Variants in CACNA1H observed in about 807,000 individuals in gnomAD.
CACNA1H encodes the protein calcium voltage-gated channel subunit alpha1 H.
A neutral mutation model predicts 192.5 loss-of-function variants in CACNA1H; 149 were observed. The observed-to-expected ratio is 0.77, with a 90% CI of 0.68 to 0.89. The LOEUF is 0.89. CACNA1H is among the 40% of genes least tolerant of loss of function. CACNA1H has a pLI of 0.00. For synonymous variants in CACNA1H, 2,202 were observed against 1,475.2 expected, an observed-to-expected ratio of 1.49 and a Z score of -11.29; for missense variants, 4,257 against 3,423.5, an observed-to-expected ratio of 1.24 and a Z score of -6.08.
intron 27 of CACNA1H, 50 bp from the exon 28 acceptor site, chr16:1,214,922 A>C: frequency 1.5e-6 from 2 of 1,356,424 alleles, no homozygotes; most frequent in East Asian, 4.9e-5. Flanking sequence ...GCCAGGGGGA[A>C]GAGGGGTGGC....
chr16:1,194,197 C>T (rs1966840446), intron 2 of CACNA1H, among the ~76,000 whole-genome samples: 1 of 152,102 alleles, frequency 6.6e-6, no homozygotes, highest in Admixed American at 6.5e-5. Context: ...CCTGAATCAG[C>T]TGTGAGAGGA....
chr16:1,162,376 C>G (rs1363135489), intron 2 of CACNA1H, among the ~76,000 whole-genome samples: 2 of 152,042 alleles, frequency 1.3e-5, no homozygotes, highest in Non-Finnish European at 2.9e-5. Context: ...ACCTGTGGGC[C>G]CCCCCGGAGG....
rs769201314 is a variant in CACNA1H, at chr16:1,212,063, C to T, written c.4684C>T (p.Arg1562Trp). The change falls in exon 25 of 35, where the codon CGG becomes TGG. Residue 1562 changes from arginine (R) to tryptophan (W), a missense_variant. Physicochemically the swap from Arg to Trp is moderately radical, Grantham distance 101 (BLOSUM62 -3). Transcript: ENST00000348261. ...GVVVENFHKC[R>W]QHQEAEEARR... The stretch of plus-strand genomic sequence containing the variant: ...CGTGGTCGAGAACTTCCACAAGTGC[C>T]GGCAGCACCAGGAGGCGGAGGAGGC... The T allele has an allele frequency of 6.8e-6, 11 of 1,613,124 alleles. No homozygotes were observed. Among genetic ancestry groups the T allele is most frequent in the Middle Eastern group, 1.7e-4 (1 of 5,886 alleles).
chr16:1,208,086 C>T lies in CACNA1H; in HGVS notation c.3228C>T (p.Leu1076=), dbSNP rs113925563. 5.2e-5 allele frequency: 83 copies of T among 1,600,446 alleles called. No individual in the cohort carries two copies. The highest frequency in any genetic ancestry group is 1.2e-4 in the African/African-American group (9 of 74,690). ...LEGRGSLSPP[L]IMCTAATPMP... ...GACGAGGCAGCCTGTCCCCTCCCCT[C>T]ATCATGTGCACAGCTGCCACGCCCA... The change falls in exon 16 of 35, where the codon CTC becomes CTT. Residue 1076 remains leucine (L), a synonymous_variant. Transcript: ENST00000348261.
intron 18 of CACNA1H, 86 bp downstream of exon 18, chr16:1,210,221 CAT>C (rs1454197536): frequency 3.1e-6 from 4 of 1,294,816 alleles, no homozygotes; most frequent in Non-Finnish European, 4.3e-6. Flanking sequence ...GGGGCTAGCA[CAT>C]GGTGGATATT....
In CACNA1H at chr16:1,192,000, C is replaced by T. The variant is rs1044889907; in HGVS notation, c.300-2972C>T. 4.6e-5 allele frequency among the ~76,000 whole-genome samples: 7 copies of T among 152,270 alleles called. No individual in the cohort carries two copies. In the East Asian group the frequency reaches 5.8e-4, roughly 13 times the overall value. The stretch of plus-strand genomic sequence containing the variant: ...TGTCGCCAGGCTTAGCTCGGGAGGC[C>T]GTCTGCAGCTGGCGTGCCTGCAGGC... On this transcript the variant is annotated intron_variant, in intron 2 of 34. Transcript: ENST00000348261.
rs1477353502 is a variant in CACNA1H, at chr16:1,200,341, A to G, written c.889A>G (p.Asn297Asp). 1 of 1,602,790 alleles carries G rather than the reference A, an allele frequency of 6.2e-7. No individual in the cohort carries two copies. The highest frequency in any genetic ancestry group is 2.3e-5 in the East Asian group (1 of 44,412). ...NPFICSSRRD[N>D]GMQKCSHIPG... ...GTTCATCTGCTCCTCACGCCGAGAC[A>G]ACGGCATGCAGAAGTGCTCGCACAT... is the stretch of plus-strand genomic sequence containing the variant. The change falls in exon 7 of 35, where the codon AAC (asparagine) becomes GAC (aspartate). Residue 297 changes from asparagine (N) to aspartate (D), a missense_variant. Asn to Asp is a conservative substitution (Grantham distance 23). Transcript: ENST00000348261.
chr16:1,156,147 C>T (rs1043074059), intron 2 of CACNA1H, among the ~76,000 whole-genome samples: 2 of 152,176 alleles, frequency 1.3e-5, no homozygotes, highest in African/African-American at 2.4e-5. Context: ...GGCAGGACCC[C>T]CCACCCTCCT....
chr16:1,183,606 C>T (rs913863628), intron 2 of CACNA1H, among the ~76,000 whole-genome samples: 13 of 152,360 alleles, frequency 8.5e-5, no homozygotes, highest in African/African-American at 2.6e-4. Context: ...ACGTGCCTGT[C>T]GTGGCATTGG....
At chr16:1,169,144 C>T (rs993339714) in intron 2 of CACNA1H, among the ~76,000 whole-genome samples, 5 of 125,350 alleles carry the variant, frequency 4.0e-5, no homozygotes, top group East Asian at 2.3e-4. Flanking sequence ...TGCCTGGCAG[C>T]GGCCAGTCTT....
At position 1,209,201 on chromosome 16, in the gene CACNA1H, A is replaced by G. The variant is rs2141327353; in HGVS notation, c.3533A>G (p.Glu1178Gly). ...SGEGKGSTDD[E>G]AEDGRAAPGP... ...GAGGGCAAGGGCAGCACCGACGACG[A>G]AGCTGAGGACGGCAGGGCCGCGCCC... The change falls in exon 17 of 35, where the codon GAA becomes GGA. Residue 1178 changes from glutamate to glycine, a missense_variant. Coordinates refer to ENST00000348261, the MANE Select transcript of CACNA1H (RefSeq NM_021098.3). 5 of 1,551,852 alleles carry G rather than the reference A, an allele frequency of 3.2e-6. No homozygotes were observed. The highest frequency in any genetic ancestry group is 4.4e-6 in the Non-Finnish European group (5 of 1,149,024).
chr16:1,156,417 G>A (rs1962395340), intron 2 of CACNA1H, among the ~76,000 whole-genome samples: 1 of 152,228 alleles, frequency 6.6e-6, no homozygotes. Context: ...AAAATAAGCT[G>A]GCAGGCCTGG....
At chr16:1,160,002 G>A (rs1051643576) in intron 2 of CACNA1H, 13 of 152,386 alleles carry the variant, frequency 8.5e-5, no homozygotes, top group Non-Finnish European at 1.3e-4. Flanking sequence ...TCCCGTTCCG[G>A]GGTCAGGACA....
In CACNA1H at chr16:1,212,133, G is replaced by T. The variant is rs774569737; in HGVS notation, c.4754G>T (p.Arg1585Leu). 17 of 1,604,906 alleles carry T rather than the reference G, an allele frequency of 1.1e-5. No individual in the cohort carries two copies. The highest frequency in any genetic ancestry group is 4.0e-5 in the African/African-American group (3 of 74,968). The change falls in exon 25 of 35, where the codon CGC becomes CTC. Residue 1585 changes from arginine (R) to leucine (L), a missense_variant. Physicochemically the swap from Arg to Leu is moderately radical, Grantham distance 102 (BLOSUM62 -2). Transcript: ENST00000348261. ...CGGCTGCGGCGCCTAGAGAGGAGGC[G>T]CAGGAGTAAGGCGCTCCCGGTGGCG... The part of the protein sequence containing the change: ...EKRLRRLERR[R>L]RSTFPSPEAQ...
At chr16:1,210,280 G>A (rs529578775) in intron 18 of CACNA1H, 90 bp from the exon 19 acceptor site, 1 of 1,282,458 alleles carries the variant, frequency 7.8e-7, no homozygotes, top group East Asian at 2.5e-5. Context: ...GGGCTGAAGT[G>A]GAGGCGTGGC....
intron 2 of CACNA1H, among the ~76,000 whole-genome samples, chr16:1,188,708 C>G (rs1966305539): frequency 6.6e-6 from 1 of 152,220 alleles, no homozygotes; most frequent in Admixed American, 6.5e-5. Context: ...TCCTCCTCGA[C>G]TACCCCCAGA....
At chr16:1,190,589 G>A (rs1439241467) in intron 2 of CACNA1H, among the ~76,000 whole-genome samples, 2 of 152,248 alleles carry the variant, frequency 1.3e-5, no homozygotes, top group East Asian at 1.9e-4. Context: ...GGTGTGACCC[G>A]GTTGGGAGGC....
chr16:1,218,636 G>T lies in CACNA1H; in HGVS notation c.5872G>T (p.Ala1958Ser). The T allele has an allele frequency of 6.4e-7, 1 of 1,551,026 alleles. No individual in the cohort carries two copies. Among genetic ancestry groups the T allele is most frequent in the Non-Finnish European group, 8.7e-7 (1 of 1,146,058 alleles). ...LQEVEMETYG[A>S]GTPLGSVASV... ...GGAGGTGGAGATGGAGACCTATGGG[G>T]CCGGCACCCCCTTGGGTATGGTAGC... Residue 1958 changes from alanine (A) to serine (S), a missense_variant, in exon 33 of 35, where the codon GCC becomes TCC. By Grantham distance (99) the Ala-to-Ser change is moderately conservative. Coordinates refer to ENST00000348261, the MANE Select transcript of CACNA1H (RefSeq NM_021098.3).
intron 2 of CACNA1H, among the ~76,000 whole-genome samples, chr16:1,164,275 C>T (rs896042494): frequency 2.6e-5 from 4 of 152,164 alleles, no homozygotes; most frequent in African/African-American, 9.7e-5. Flanking sequence ...GGGGTGCAGT[C>T]CAAGGCCCCA....
Sources: allele counts gnomAD v4.1 joint callset (sites outside exome capture counted in the v4.1 genomes callset), GRCh38; gene constraint gnomAD v4.1.1; transcripts MANE v1.5; gene names NCBI Gene and HGNC (gene_info 2026-07-23, HGNC 2026-07-21).